SYT9: variants seen among roughly 807,000 people sequenced by gnomAD.
SYT9 encodes synaptotagmin 9, also known as synaptotagmin-9.
Under a neutral mutation model 48.4 loss-of-function variants are expected in SYT9, and 22 were observed. The observed-to-expected ratio is 0.45, with a 90% CI of 0.32 to 0.65. The LOEUF (loss-of-function observed/expected upper bound fraction) is 0.65. Among genes scored for constraint, SYT9 ranks in the 30% least tolerant of loss-of-function variants. The pLI is 0.03. For missense variants in SYT9, 577 were observed against 622.0 expected (o/e 0.93, Z 0.77); for synonymous variants, 265 against 245.0 (o/e 1.08, Z -0.76).
chr11:7,358,261 TTGTC>T (rs1564875045), intron 3 of SYT9, among the ~76,000 whole-genome samples: 1 of 151,194 alleles, frequency 6.6e-6, no homozygotes. Context: ...AGCATAGACA[TTGTC>T]TTCTTTTAAA....
intron 3 of SYT9, among the ~76,000 whole-genome samples, chr11:7,328,132 T>C (rs367955653): frequency 6.6e-6 from 1 of 151,700 alleles, no homozygotes. Flanking sequence ...AGTTTTGTCT[T>C]GTATATTTCT....
chr11:7,266,076 T>C (rs1848175564), intron 1 of SYT9, among the ~76,000 whole-genome samples: 1 of 152,136 alleles, frequency 6.6e-6, no homozygotes, highest in African/African-American at 2.4e-5. Context: ...GGATCCCAAG[T>C]TAAACATATT....
chr11:7,400,752 C>G (rs1396201686), intron 3 of SYT9, among the ~76,000 whole-genome samples: 1 of 152,086 alleles, frequency 6.6e-6, no homozygotes, highest in African/African-American at 2.4e-5. Flanking sequence ...AGCAGAATGC[C>G]TCCTCATCCC....
intron 1 of SYT9, among the ~76,000 whole-genome samples, chr11:7,265,761 AT>A (rs1329242988): frequency 1.3e-5 from 2 of 152,036 alleles, no homozygotes; most frequent in Non-Finnish European, 2.9e-5. Context: ...TCTGTAGAAA[AT>A]TTAGCTGTAG....
At chr11:7,440,853 C>G (rs1219457715) in intron 6 of SYT9, 2 of 152,114 alleles carry the variant, frequency 1.3e-5, no homozygotes, top group African/African-American at 2.4e-5. Flanking sequence ...CTGATCTCAT[C>G]AAGAGGATTT....
chr11:7,259,742 TG>T (rs911800668), intron 1 of SYT9, among the ~76,000 whole-genome samples: 25 of 152,286 alleles, frequency 1.6e-4, no homozygotes, highest in South Asian at 1.0e-3. Context: ...AGAATCTTAA[TG>T]TTTTTTTCTA....
chr11:7,274,008 G>A (rs898079207), intron 1 of SYT9, among the ~76,000 whole-genome samples: 19 of 152,256 alleles, frequency 1.2e-4, no homozygotes, highest in Admixed American at 8.5e-4. Context: ...CATGGCACAT[G>A]TATACCTATG....
At chr11:7,328,648 A>G (rs1373771477) in intron 3 of SYT9, among the ~76,000 whole-genome samples, 1 of 152,162 alleles carries the variant, frequency 6.6e-6, no homozygotes, top group African/African-American at 2.4e-5. Flanking sequence ...TTAATGTTTT[A>G]TAAAGCCAAT....
At chr11:7,372,717 T>C (rs1161280699) in intron 3 of SYT9, among the ~76,000 whole-genome samples, 1 of 152,192 alleles carries the variant, frequency 6.6e-6, no homozygotes, top group Non-Finnish European at 1.5e-5. Flanking sequence ...TTAGTTTCAA[T>C]AGTTCTTCAC....
chr11:7,253,777 C>T (rs979070695), intron 1 of SYT9, among the ~76,000 whole-genome samples: 2 of 152,174 alleles, frequency 1.3e-5, no homozygotes, highest in Non-Finnish European at 2.9e-5. Context: ...GCTGAATAAA[C>T]CACAGTCCCT....
At chr11:7,273,447 G>A (rs1003155248) in intron 1 of SYT9, among the ~76,000 whole-genome samples, 1 of 152,058 alleles carries the variant, frequency 6.6e-6, no homozygotes, top group Non-Finnish European at 1.5e-5. Context: ...AGCCAAGAGA[G>A]CAAAGTTTAA....
Position 7,296,802 on chromosome 11 carries a change from A to G in SYT9, c.146-6237A>G, listed in dbSNP as rs1281829391. Among the ~76,000 whole-genome samples the G allele has an allele frequency of 8.5e-5, 13 of 152,172 alleles. 1 individual carries two copies. Among genetic ancestry groups the G allele is most frequent in the Non-Finnish European group, 4.4e-5 (3 of 68,032 alleles). On this transcript the variant is annotated intron_variant, in intron 1 of 6. Coordinates refer to ENST00000318881, the MANE Select transcript of SYT9 (RefSeq NM_175733.4). ...TGTTCTGGATTATCAGTAAGATTTC[A>G]TTGTGTTCATTCTTAATACAATGTT...
chr11:7,376,568 T>C (rs2346824), intron 3 of SYT9, among the ~76,000 whole-genome samples: 38,179 of 152,010 alleles, frequency 0.25, 6,144 homozygotes, highest in East Asian at 0.62. Context: ...GGTGCCCTAG[T>C]TTGTCAGCCA....
At chr11:7,293,049 T>G (rs1352261272) in intron 1 of SYT9, among the ~76,000 whole-genome samples, 2 of 152,090 alleles carry the variant, frequency 1.3e-5, no homozygotes, top group East Asian at 3.9e-4. Flanking sequence ...CCCTGCCCCA[T>G]CCGGGCAATG....
intron 3 of SYT9, among the ~76,000 whole-genome samples, chr11:7,362,121 C>G (rs1408259134): frequency 6.6e-6 from 1 of 150,438 alleles, no homozygotes; most frequent in Non-Finnish European, 1.5e-5. Flanking sequence ...TTCTTTCTTT[C>G]TTTCTTTTTT....
intron 2 of SYT9, among the ~76,000 whole-genome samples, chr11:7,309,734 C>G (rs1159083215): frequency 1.3e-5 from 2 of 152,174 alleles, no homozygotes; most frequent in Non-Finnish European, 2.9e-5. Flanking sequence ...CTCCTTTACG[C>G]CCCTGGGGCA....
At chr11:7,358,464 C>T (rs1308553710) in intron 3 of SYT9, among the ~76,000 whole-genome samples, 2 of 152,174 alleles carry the variant, frequency 1.3e-5, no homozygotes, top group African/African-American at 4.8e-5. Context: ...TTAAGTAGGG[C>T]ACTGTTAGGT....
At chr11:7,336,384 C>T (rs540864252) in intron 3 of SYT9, among the ~76,000 whole-genome samples, 2 of 152,152 alleles carry the variant, frequency 1.3e-5, no homozygotes, top group East Asian at 3.9e-4. Context: ...GTTGCAGTTG[C>T]TTTTGGCATC....
At chr11:7,394,732 G>A (rs1173658939) in intron 3 of SYT9, among the ~76,000 whole-genome samples, 1 of 152,048 alleles carries the variant, frequency 6.6e-6, no homozygotes, top group African/African-American at 2.4e-5. Context: ...TCTGGGATTA[G>A]TTTGTTCTTG....
Sources: gnomAD v4.1 joint callset for allele counts (sites outside exome capture counted in the v4.1 genomes callset) on GRCh38, gnomAD v4.1.1 for gene constraint, MANE v1.5 for transcripts, NCBI Gene and HGNC (gene_info 2026-07-23, HGNC 2026-07-21) for gene names.